The following SMYD3 variants were observed in gnomAD, a reference collection of about 807,000 sequenced individuals.
SMYD3 encodes the protein histone-lysine N-methyltransferase SMYD3.
Under a neutral mutation model 57.7 loss-of-function variants are expected in SMYD3, and 36 were observed. The observed-to-expected ratio is 0.62, with a 90% CI of 0.48 to 0.82. SMYD3 has a LOEUF of 0.82. Ranked by LOEUF, SMYD3 falls within the 40% of genes least tolerant of loss-of-function variation. The pLI, the probability that SMYD3 is intolerant of heterozygous loss-of-function variation, is 0.00. For missense variants in SMYD3, 515 were observed against 538.8 expected, an observed-to-expected ratio of 0.96 and a Z score of 0.44; for synonymous variants, 211 against 195.0, an observed-to-expected ratio of 1.08 and a Z score of -0.68.
chr1:246,183,030 C>A (rs2062578829), intron 5 of SMYD3, among the ~76,000 whole-genome samples: 1 of 152,116 alleles, frequency 6.6e-6, no homozygotes, highest in East Asian at 1.9e-4. Context: ...ATAATTGTAA[C>A]CCCTTTAACT....
intron 5 of SMYD3, among the ~76,000 whole-genome samples, chr1:245,946,558 C>A (rs1245473483): frequency 6.6e-6 from 1 of 152,170 alleles, no homozygotes; most frequent in Non-Finnish European, 1.5e-5. Context: ...ACAGACGCTT[C>A]TGAGGCTACA....
chr1:246,487,681 G>A (rs2068209106), intron 1 of SMYD3, among the ~76,000 whole-genome samples: 1 of 151,502 alleles, frequency 6.6e-6, no homozygotes, highest in Non-Finnish European at 1.5e-5. Context: ...GTCTAACTTA[G>A]GCTCCACTCA....
At chr1:246,056,360 A>T (rs1198382730) in intron 5 of SMYD3, among the ~76,000 whole-genome samples, 1 of 152,158 alleles carries the variant, frequency 6.6e-6, no homozygotes, top group Admixed American at 6.5e-5. Context: ...GGGGACATTC[A>T]TTCAACAAAT....
At chr1:245,811,422 T>C (rs994729968) in intron 10 of SMYD3, among the ~76,000 whole-genome samples, 2 of 152,240 alleles carry the variant, frequency 1.3e-5, no homozygotes, top group Admixed American at 6.5e-5. Context: ...TTATGCTTTC[T>C]GTATGTGTAC....
intron 5 of SMYD3, among the ~76,000 whole-genome samples, chr1:245,951,538 CAGCCTGGGTGACAG>C (rs1216424395): frequency 2.9e-5 from 4 of 136,552 alleles, no homozygotes; most frequent in African/African-American, 1.2e-4. Flanking sequence ...CCCTGCACTC[CAGCCTGGGTGACAG>C]AGCGAGGCTC....
chr1:246,010,236 T>C (rs1239901108), intron 5 of SMYD3, among the ~76,000 whole-genome samples: 1 of 152,038 alleles, frequency 6.6e-6, no homozygotes, highest in Non-Finnish European at 1.5e-5. Context: ...CAGAATCGTA[T>C]GCTCTGTCTA....
At position 245,881,587 on chromosome 1, in the gene SMYD3, G is replaced by A. The variant is rs545181530; in HGVS notation, c.814-17701C>T. ...TCACTTGCGCAACACAAATTTATTA[G>A]GCACTGTATTGGGCACTGAGGACAA... On this transcript the variant is annotated intron_variant, in intron 8 of 11. Transcript: ENST00000490107. 3.3e-5 allele frequency among the ~76,000 whole-genome samples: 5 copies of A among 152,228 alleles called. No individual in the cohort carries two copies. The South Asian group carries it at 1.0e-3, about 32-fold the overall frequency.
At chr1:245,855,132 G>GT (rs1230577637) in intron 10 of SMYD3, among the ~76,000 whole-genome samples, 9 of 152,156 alleles carry the variant, frequency 5.9e-5, no homozygotes, top group African/African-American at 2.2e-4. Flanking sequence ...ACAAGCATAT[G>GT]TTAATCTCGC....
At chr1:246,156,372 T>A (rs1294103273) in intron 5 of SMYD3, among the ~76,000 whole-genome samples, 1 of 152,212 alleles carries the variant, frequency 6.6e-6, no homozygotes, top group Non-Finnish European at 1.5e-5. Context: ...TTAAGTTTTT[T>A]AAATAATTTA....
At chr1:245,940,138 CG>C (rs1170387223) in intron 5 of SMYD3, among the ~76,000 whole-genome samples, 1 of 152,148 alleles carries the variant, frequency 6.6e-6, no homozygotes, top group Non-Finnish European at 1.5e-5. Flanking sequence ...CTGATCTCCC[CG>C]GGACACAGCA....
At chr1:246,354,583 T>C (rs972843840) in intron 2 of SMYD3, among the ~76,000 whole-genome samples, 4 of 149,426 alleles carry the variant, frequency 2.7e-5, no homozygotes, top group African/African-American at 7.4e-5. Context: ...TACAAAATGT[T>C]CCCCAAAGTA....
chr1:246,435,740 T>G (rs991765383), intron 1 of SMYD3, among the ~76,000 whole-genome samples: 2 of 151,600 alleles, frequency 1.3e-5, no homozygotes, highest in Non-Finnish European at 2.9e-5. Flanking sequence ...TTCCAAGAAT[T>G]CCAAGGAGAA....
At chr1:246,248,849 G>T (rs1293297876) in intron 5 of SMYD3, among the ~76,000 whole-genome samples, 2 of 136,894 alleles carry the variant, frequency 1.5e-5, no homozygotes, top group Non-Finnish European at 3.1e-5. Flanking sequence ...CTAGAGATGG[G>T]GTTTCATCGT....
intron 5 of SMYD3, among the ~76,000 whole-genome samples, chr1:246,190,080 G>A (rs1219953302): frequency 6.6e-6 from 1 of 152,164 alleles, no homozygotes; most frequent in Non-Finnish European, 1.5e-5. Flanking sequence ...AGGTAATACA[G>A]GCTAGTCGTC....
intron 5 of SMYD3, among the ~76,000 whole-genome samples, chr1:246,208,000 T>A (rs1424817253): frequency 1.3e-5 from 2 of 152,260 alleles, no homozygotes; most frequent in African/African-American, 4.8e-5. Flanking sequence ...TTCTCAAAAT[T>A]TTTTTAAAAA....
intron 10 of SMYD3, among the ~76,000 whole-genome samples, chr1:245,855,184 T>C (rs751946394): frequency 6.6e-6 from 1 of 152,232 alleles, no homozygotes; most frequent in Non-Finnish European, 1.5e-5. Context: ...GAAAGTCCTC[T>C]TCAAAGCCGG....
chr1:246,167,999 C>A (rs753881718), intron 5 of SMYD3, among the ~76,000 whole-genome samples: 15 of 152,174 alleles, frequency 9.9e-5, no homozygotes, highest in African/African-American at 3.6e-4. Context: ...TCTATGCATA[C>A]TCCTTTAAAC....
chr1:246,433,607 G>A (rs182907534), intron 1 of SMYD3, among the ~76,000 whole-genome samples: 9 of 152,310 alleles, frequency 5.9e-5, no homozygotes, highest in Admixed American at 5.9e-4. Flanking sequence ...ATGGCAGTAA[G>A]CCAAGATCGT....
At chr1:246,113,642 C>A (rs80094651) in intron 5 of SMYD3, 3 of 152,190 alleles carry the variant, frequency 2.0e-5, no homozygotes, top group Admixed American at 1.3e-4. Flanking sequence ...TAGTTTATCA[C>A]GTCGTATTAT....
Sources: allele counts gnomAD v4.1 joint callset (sites outside exome capture counted in the v4.1 genomes callset), GRCh38; gene constraint gnomAD v4.1.1; transcripts MANE v1.5; gene names NCBI Gene and HGNC (gene_info 2026-07-23, HGNC 2026-07-21).